The following SPIDR variants were observed in gnomAD, a reference collection of about 807,000 sequenced individuals.
SPIDR encodes scaffold protein involved in DNA repair.
Under a neutral mutation model 104.6 loss-of-function variants are expected in SPIDR, and 93 were observed. The observed-to-expected ratio is 0.89, with a 90% CI of 0.75 to 1.06. The LOEUF is 1.06. SPIDR is among the 50% of genes least tolerant of loss of function. SPIDR has a pLI of 0.00. For missense variants in SPIDR, 1,154 were observed against 1,111.2 expected (o/e 1.04, Z -0.55); for synonymous variants, 431 against 416.9 (o/e 1.03, Z -0.41).
At chr8:47,694,935 A>G (rs930759941) in intron 11 of SPIDR, among the ~76,000 whole-genome samples, 11 of 152,210 alleles carry the variant, frequency 7.2e-5, no homozygotes, top group Non-Finnish European at 4.4e-5. Context: ...GACAACCTAA[A>G]TAACATTTTT....
rs932378287 is a variant in SPIDR, at chr8:47,599,059, G to A, written c.1407G>A (p.Val469=). Residue 469 remains valine (V), a synonymous_variant, in exon 10 of 20, where the codon GTG becomes GTA. Coordinates refer to ENST00000297423, the MANE Select transcript of SPIDR (RefSeq NM_001080394.4). ...TGAGGGATTCTCTCCTGGATGTGGTGGAAAGCCAGGGAGCTGCCTCGTGGC... is the reference window on the plus strand; with the variant it reads ...TGAGGGATTCTCTCCTGGATGTGGTAGAAAGCCAGGGAGCTGCCTCGTGGC... ...TPLRDSLLDV[V]ESQGAASWPG... The A allele has an allele frequency of 1.2e-6, 2 of 1,612,838 alleles. No homozygotes were observed. Among genetic ancestry groups the A allele is most frequent in the Non-Finnish European group, 8.5e-7 (1 of 1,179,388 alleles).
intron 12 of SPIDR, among the ~76,000 whole-genome samples, chr8:47,700,711 G>A (rs2080053058): frequency 6.6e-6 from 1 of 152,182 alleles, no homozygotes; most frequent in South Asian, 2.1e-4. Flanking sequence ...CTACTGTGCT[G>A]CACAGCATTT....
At chr8:47,528,668 C>T (rs1173210624) in intron 8 of SPIDR, among the ~76,000 whole-genome samples, 3 of 151,652 alleles carry the variant, frequency 2.0e-5, no homozygotes, top group African/African-American at 4.8e-5. Flanking sequence ...AGAATGCCTT[C>T]GATGGGCTCA....
intron 10 of SPIDR, among the ~76,000 whole-genome samples, chr8:47,612,985 T>C (rs968737623): frequency 2.6e-5 from 4 of 152,238 alleles, no homozygotes. Context: ...CATTAACTTA[T>C]ATTTATTTGT....
chr8:47,512,790 T>G (rs980940167), intron 8 of SPIDR, among the ~76,000 whole-genome samples: 11 of 152,208 alleles, frequency 7.2e-5, no homozygotes, highest in Non-Finnish European at 1.3e-4. Context: ...GCACTTTTAT[T>G]CTGAGCCAAA....
chr8:47,665,327 A>T (rs779071060), intron 10 of SPIDR, among the ~76,000 whole-genome samples: 1 of 152,206 alleles, frequency 6.6e-6, no homozygotes, highest in Non-Finnish European at 1.5e-5. Context: ...TACTTACACC[A>T]TACTTTCCTT....
intron 14 of SPIDR, among the ~76,000 whole-genome samples, chr8:47,706,057 C>T (rs1036835619): frequency 1.3e-5 from 2 of 152,112 alleles, no homozygotes; most frequent in Non-Finnish European, 2.9e-5. Context: ...GTGCACCCCT[C>T]CACCCCCATG....
intron 8 of SPIDR, among the ~76,000 whole-genome samples, chr8:47,455,478 G>A (rs1253716487): frequency 6.6e-6 from 1 of 151,774 alleles, no homozygotes; most frequent in Admixed American, 6.6e-5. Flanking sequence ...AGTATGTAAG[G>A]CATAAGAAAA....
intron 5 of SPIDR, among the ~76,000 whole-genome samples, chr8:47,394,001 G>T (rs554373868): frequency 2.4e-4 from 36 of 151,872 alleles, no homozygotes; most frequent in African/African-American, 8.7e-4. Flanking sequence ...ACCTCCCAGG[G>T]TCTAAAGCCA....
Position 47,490,295 on chromosome 8 carries a change from G to A in SPIDR, c.1097+49753G>A, listed in dbSNP as rs189449622. On this transcript the variant is annotated intron_variant, in intron 8 of 19. Coordinates refer to ENST00000297423, the MANE Select transcript of SPIDR (RefSeq NM_001080394.4). Reference sequence around the variant, plus strand: ...GAGAAATGCAAATCAAAACCACAATGAGATACCATGTCACACCAGTTAGAA... The same window carrying A: ...GAGAAATGCAAATCAAAACCACAATAAGATACCATGTCACACCAGTTAGAA... 2.1e-3 allele frequency among the ~76,000 whole-genome samples: 326 copies of A among 152,270 alleles called. 3 individuals are homozygous for A. Among genetic ancestry groups the A allele is most frequent in the Admixed American group, 4.7e-3 (72 of 15,294 alleles).
chr8:47,587,625 A>T (rs923467824), intron 8 of SPIDR, among the ~76,000 whole-genome samples: 18 of 151,200 alleles, frequency 1.2e-4, no homozygotes, highest in Non-Finnish European at 2.4e-4. Context: ...AAAAAAAAAA[A>T]AAAAAAATCA....
chr8:47,532,545 A>G (rs966180518), intron 8 of SPIDR, among the ~76,000 whole-genome samples: 1 of 152,226 alleles, frequency 6.6e-6, no homozygotes, highest in African/African-American at 2.4e-5. Flanking sequence ...ATAAAGAGGG[A>G]GTATTACATA....
At chr8:47,652,600 T>A (rs951547701) in intron 10 of SPIDR, among the ~76,000 whole-genome samples, 1 of 152,268 alleles carries the variant, frequency 6.6e-6, no homozygotes, top group Non-Finnish European at 1.5e-5. Context: ...TTGAAATTAC[T>A]TCACTGAAAA....
At chr8:47,706,103 C>G (rs1436653439) in intron 14 of SPIDR, among the ~76,000 whole-genome samples, 1 of 152,222 alleles carries the variant, frequency 6.6e-6, no homozygotes, top group South Asian at 2.1e-4. Flanking sequence ...ACAGTAAAAA[C>G]CAAAACCAGC....
At chr8:47,366,723 A>G (rs1554634796) in intron 5 of SPIDR, among the ~76,000 whole-genome samples, 1 of 152,242 alleles carries the variant, frequency 6.6e-6, no homozygotes, top group Non-Finnish European at 1.5e-5. Context: ...GTTGAATGAA[A>G]TAATCAAGTT....
At chr8:47,528,353 G>A (rs2085364185) in intron 8 of SPIDR, among the ~76,000 whole-genome samples, 1 of 152,136 alleles carries the variant, frequency 6.6e-6, no homozygotes, top group Non-Finnish European at 1.5e-5. Context: ...TCTTTATACT[G>A]CAGTCTGTCT....
At position 47,284,771 on chromosome 8, in the gene SPIDR, T is replaced by C. The variant is rs1563483279; in HGVS notation, c.256+677T>C. 3.3e-5 allele frequency among the ~76,000 whole-genome samples: 5 copies of C among 152,342 alleles called. No individual in the cohort carries two copies. The South Asian group carries it at 1.0e-3, about 32-fold the overall frequency. On this transcript the variant is annotated intron_variant, in intron 3 of 19. Transcript: ENST00000297423. Reference sequence around the variant, plus strand: ...GAAGGAATGCGCTTCCCAGTACCTCTACCTTTGACTAGAACCTGTTACAAA... The same window carrying C: ...GAAGGAATGCGCTTCCCAGTACCTCCACCTTTGACTAGAACCTGTTACAAA...
intron 5 of SPIDR, among the ~76,000 whole-genome samples, chr8:47,324,934 G>T (rs1004470872): frequency 1.4e-4 from 21 of 152,130 alleles, no homozygotes; most frequent in Non-Finnish European, 2.8e-4. Flanking sequence ...TCTGTGGCTT[G>T]CAAGGTGGCT....
At chr8:47,361,460 A>C (rs1277235695) in intron 5 of SPIDR, among the ~76,000 whole-genome samples, 2 of 152,230 alleles carry the variant, frequency 1.3e-5, no homozygotes, top group African/African-American at 4.8e-5. Flanking sequence ...TAATGAGCTT[A>C]GGTTGGATGA....
Sources: allele counts gnomAD v4.1 joint callset (sites outside exome capture counted in the v4.1 genomes callset), GRCh38; gene constraint gnomAD v4.1.1; transcripts MANE v1.5; gene names NCBI Gene and HGNC (gene_info 2026-07-23, HGNC 2026-07-21).